STARD13: variants seen among roughly 807,000 people sequenced by gnomAD.
STARD13 encodes the protein StAR related lipid transfer domain containing 13.
STARD13 carries 62 observed loss-of-function variants against 106.4 expected under a neutral mutation model. The ratio of observed to expected loss-of-function variants is 0.58; its 90% CI spans 0.48 to 0.72. STARD13 has a LOEUF of 0.72. Ranked by LOEUF, STARD13 falls within the 30% of genes least tolerant of loss-of-function variation. The pLI is 0.00. For synonymous variants in STARD13, 565 were observed against 553.0 expected, an observed-to-expected ratio of 1.02 and a Z score of -0.31; for missense variants, 1,387 against 1,424.0, an observed-to-expected ratio of 0.97 and a Z score of 0.42.
chr13:33,524,854 G>A, the STARD13 span, among the ~76,000 whole-genome samples: 12 of 151,806 alleles, frequency 7.9e-5, no homozygotes, highest in Admixed American at 1.3e-4. Context: ...TTGTGTGTGC[G>A]GTGGGACCAC....
chr13:33,591,707 G>A, the STARD13 span, among the ~76,000 whole-genome samples: 1 of 152,126 alleles, frequency 6.6e-6, no homozygotes, highest in Non-Finnish European at 1.5e-5. Context: ...TGTGCATTTG[G>A]GGAGTTCCCT....
At position 33,112,824 on chromosome 13, in the gene STARD13, C is replaced by T. The variant is rs1437123460; in HGVS notation, c.2389G>A (p.Val797Ile). Residue 797 changes from valine (V) to isoleucine (I), a missense_variant, in exon 9 of 14, where the codon GTC becomes ATC. Physicochemically the swap from Val to Ile is conservative, Grantham distance 29 (BLOSUM62 3). Coordinates refer to ENST00000336934, the MANE Select transcript of STARD13 (RefSeq NM_178006.4). ...QTLLCFLNDV[V>I]NLVEENQMTP... ...ATCTGATTCTCTTCCACCAAGTTGACGACGTCGTTCAGGAAACACAAGAGC... is the reference window on the plus strand; with the variant it reads ...ATCTGATTCTCTTCCACCAAGTTGATGACGTCGTTCAGGAAACACAAGAGC... The T allele has an allele frequency of 1.4e-5, 23 of 1,613,720 alleles. No homozygotes were observed. Among genetic ancestry groups the T allele is most frequent in the East Asian group, 2.2e-5 (1 of 44,882 alleles).
At chr13:33,307,756 G>A (rs1047293668) in intron 1 of STARD13, among the ~76,000 whole-genome samples, 1 of 151,818 alleles carries the variant, frequency 6.6e-6, no homozygotes, top group Non-Finnish European at 1.5e-5. Context: ...AAACCTCCAT[G>A]GTACACATTT....
chr13:33,266,738 C>T (rs988327942), intron 1 of STARD13, among the ~76,000 whole-genome samples: 3 of 152,180 alleles, frequency 2.0e-5, no homozygotes, highest in Admixed American at 6.5e-5. Flanking sequence ...GTTTTGATAG[C>T]CTGTCAGTCA....
At chr13:33,377,272 T>C in the STARD13 span, among the ~76,000 whole-genome samples, 3 of 151,952 alleles carry the variant, frequency 2.0e-5, no homozygotes, top group South Asian at 6.2e-4. Flanking sequence ...TTTAAAAATC[T>C]GAAGCAGCAA....
At chr13:33,604,837 A>G in the STARD13 span, among the ~76,000 whole-genome samples, 21 of 152,088 alleles carry the variant, frequency 1.4e-4, no homozygotes, top group African/African-American at 5.1e-4. Flanking sequence ...AAATGTCTAA[A>G]AAGCTAGATC....
the STARD13 span, among the ~76,000 whole-genome samples, chr13:33,403,869 T>TA: frequency 6.6e-5 from 10 of 152,164 alleles, no homozygotes; most frequent in African/African-American, 2.4e-4. Context: ...CTATAAGGGT[T>TA]AAAAAAAATC....
the STARD13 span, among the ~76,000 whole-genome samples, chr13:33,442,938 AGGGGCC>A: frequency 6.6e-6 from 1 of 152,234 alleles, no homozygotes; most frequent in Non-Finnish European, 1.5e-5. Flanking sequence ...ACAGGATGCC[AGGGGCC>A]AGGGCAAGAA....
chr13:33,175,152 G>T (rs1320917210), intron 1 of STARD13, among the ~76,000 whole-genome samples: 1 of 152,210 alleles, frequency 6.6e-6, no homozygotes, highest in Non-Finnish European at 1.5e-5. Context: ...TGACCAGATT[G>T]TTTTGACTCA....
the STARD13 span, among the ~76,000 whole-genome samples, chr13:33,589,834 G>A: frequency 6.6e-6 from 1 of 152,170 alleles, no homozygotes; most frequent in African/African-American, 2.4e-5. Flanking sequence ...GCAGAGCTGA[G>A]TTCAATTCCT....
the STARD13 span, among the ~76,000 whole-genome samples, chr13:33,527,061 T>G: frequency 7.2e-5 from 11 of 152,160 alleles, no homozygotes; most frequent in African/African-American, 2.7e-4. Flanking sequence ...TTAAGTTTTA[T>G]TCCTTAGAAT....
At chr13:33,393,509 A>G in the STARD13 span, among the ~76,000 whole-genome samples, 1 of 152,188 alleles carries the variant, frequency 6.6e-6, no homozygotes, top group South Asian at 2.1e-4. Flanking sequence ...ATAAAGTGGG[A>G]TTATCTGCCT....
intron 1 of STARD13, among the ~76,000 whole-genome samples, chr13:33,247,547 A>T: frequency 6.6e-6 from 1 of 152,190 alleles, no homozygotes; most frequent in Middle Eastern, 3.4e-3. Flanking sequence ...GTTATATTAG[A>T]TATAATATAT....
At chr13:33,173,346 A>C (rs746702697) in intron 1 of STARD13, among the ~76,000 whole-genome samples, 1 of 152,212 alleles carries the variant, frequency 6.6e-6, no homozygotes, top group African/African-American at 2.4e-5. Flanking sequence ...GTTTTGTTAA[A>C]ATCAATGCCA....
intron 1 of STARD13, among the ~76,000 whole-genome samples, chr13:33,318,333 A>G (rs1271558793): frequency 1.3e-5 from 2 of 152,220 alleles, no homozygotes; most frequent in Non-Finnish European, 2.9e-5. Context: ...TCAGTGAAGA[A>G]AGAACAGTCT....
the STARD13 span, among the ~76,000 whole-genome samples, chr13:33,503,943 A>G: frequency 1.3e-5 from 2 of 152,216 alleles, no homozygotes; most frequent in Non-Finnish European, 2.9e-5. Flanking sequence ...AAGTGGGCAA[A>G]GTATATGAAC....
At chr13:33,406,711 A>G in the STARD13 span, among the ~76,000 whole-genome samples, 4 of 152,180 alleles carry the variant, frequency 2.6e-5, no homozygotes, top group Admixed American at 2.6e-4. Flanking sequence ...TCTGGTTGGG[A>G]GCCATTTTAA....
chr13:33,188,892 T>C (rs961490960), intron 1 of STARD13, among the ~76,000 whole-genome samples: 3 of 152,330 alleles, frequency 2.0e-5, no homozygotes, highest in Middle Eastern at 3.4e-3. Context: ...ACAAAACCCA[T>C]GAAATCCCTT....
the STARD13 span, among the ~76,000 whole-genome samples, chr13:33,456,541 A>G: frequency 1.3e-5 from 2 of 152,148 alleles, no homozygotes; most frequent in Non-Finnish European, 2.9e-5. Flanking sequence ...AGGTATCAGC[A>G]GTGTTGTTTT....
Sources: gnomAD v4.1 joint callset for allele counts (sites outside exome capture counted in the v4.1 genomes callset) on GRCh38, gnomAD v4.1.1 for gene constraint, MANE v1.5 for transcripts, NCBI Gene and HGNC (gene_info 2026-07-23, HGNC 2026-07-21) for gene names.